Variants in TOM1L2 observed in about 807,000 individuals in gnomAD.
TOM1L2 encodes the protein target of myb1 like 2 membrane trafficking protein, also known as TOM1-like protein 2.
A neutral mutation model predicts 67.9 loss-of-function variants in TOM1L2; 31 were observed. The ratio of observed to expected loss-of-function variants is 0.46; its 90% CI spans 0.34 to 0.62. The LOEUF (loss-of-function observed/expected upper bound fraction) is 0.62, where lower values mean the gene tolerates loss of function less well. TOM1L2 is among the 20% of genes least tolerant of loss of function. The pLI is 0.01. For missense variants in TOM1L2, 606 were observed against 663.5 expected (o/e 0.91, Z 0.95); for synonymous variants, 256 against 254.0 (o/e 1.01, Z -0.07).
At chr17:17,874,057 G>T (rs979115224) in intron 7 of TOM1L2, among the ~76,000 whole-genome samples, 4 of 151,724 alleles carry the variant, frequency 2.6e-5, no homozygotes, top group African/African-American at 9.7e-5. Flanking sequence ...CCGGGTTCAT[G>T]ACATTCTCCT....
chr17:17,949,871 T>G (rs904353768), intron 1 of TOM1L2, among the ~76,000 whole-genome samples: 3 of 152,034 alleles, frequency 2.0e-5, no homozygotes, highest in Admixed American at 6.6e-5. Context: ...TTTTTAAATT[T>G]TATTTATTTA....
At chr17:17,970,509 A>G (rs1023964801) in intron 1 of TOM1L2, among the ~76,000 whole-genome samples, 4 of 152,184 alleles carry the variant, frequency 2.6e-5, no homozygotes, top group African/African-American at 9.7e-5. Flanking sequence ...CTGGCTGGAA[A>G]TTAGTTTTTG....
intron 1 of TOM1L2, among the ~76,000 whole-genome samples, chr17:17,947,511 G>A (rs563855793): frequency 1.3e-5 from 2 of 152,314 alleles, no homozygotes; most frequent in South Asian, 4.1e-4. Flanking sequence ...ATGACCATGT[G>A]AGGACACAGC....
chr17:17,963,879 C>T (rs1475879344), intron 1 of TOM1L2, among the ~76,000 whole-genome samples: 3 of 152,080 alleles, frequency 2.0e-5, no homozygotes, highest in Admixed American at 6.5e-5. Flanking sequence ...TGCAGGACAC[C>T]GTGCTAGGGA....
rs1433931347 is a variant in TOM1L2 at position 17,941,865 on chromosome 17, C to T, written c.52+30397G>A. Among the ~76,000 whole-genome samples, 2 of 152,182 alleles carry T rather than the reference C, an allele frequency of 1.3e-5. 1 individual carries two copies. Among genetic ancestry groups the T allele is most frequent in the Non-Finnish European group, 2.9e-5 (2 of 68,034 alleles). On this transcript the variant is annotated intron_variant, in intron 1 of 14. Transcript: ENST00000379504. Reference sequence around the variant, plus strand: ...CTAAGCCAGGCGCAGTGGCATGCACCTATAGTCCCTGCTACTAGGGAGGGA... The same window carrying T: ...CTAAGCCAGGCGCAGTGGCATGCACTTATAGTCCCTGCTACTAGGGAGGGA...
At chr17:17,904,452 T>C (rs1173284627) in intron 2 of TOM1L2, among the ~76,000 whole-genome samples, 2 of 152,108 alleles carry the variant, frequency 1.3e-5, no homozygotes, top group Admixed American at 6.5e-5. Flanking sequence ...CCCAGGAATA[T>C]GGAAAATTCA....
At chr17:17,906,062 A>C (rs1025015468) in intron 2 of TOM1L2, among the ~76,000 whole-genome samples, 23 of 149,622 alleles carry the variant, frequency 1.5e-4, no homozygotes. Context: ...CTACTCCCTC[A>C]TCTCCTTCAA....
chr17:17,878,374 C>G (rs572098472), intron 7 of TOM1L2, among the ~76,000 whole-genome samples: 3 of 152,210 alleles, frequency 2.0e-5, no homozygotes, highest in African/African-American at 7.2e-5. Context: ...TACATGGAGA[C>G]AAGTTGTTTC....
At chr17:17,854,864 G>A (rs1032988077) in intron 12 of TOM1L2, among the ~76,000 whole-genome samples, 8 of 152,068 alleles carry the variant, frequency 5.3e-5, no homozygotes, top group Admixed American at 5.2e-4. Flanking sequence ...ATTTTCTTGG[G>A]CAATGATCCA....
intron 1 of TOM1L2, among the ~76,000 whole-genome samples, chr17:17,932,721 A>G (rs1371132634): frequency 1.3e-5 from 2 of 152,118 alleles, no homozygotes; most frequent in African/African-American, 4.8e-5. Flanking sequence ...TTGGGCCTCA[A>G]TGTTCTTATC....
chr17:17,965,880 G>A (rs1419180509), intron 1 of TOM1L2, among the ~76,000 whole-genome samples: 1 of 152,220 alleles, frequency 6.6e-6, no homozygotes, highest in Non-Finnish European at 1.5e-5. Context: ...CAGCACTTTG[G>A]GTGGCCAAGG....
chr17:17,851,089 G>C, intron 12 of TOM1L2, 137 bp from the exon 13 acceptor site: 1 of 906,224 alleles, frequency 1.1e-6, no homozygotes. Flanking sequence ...AACACAATTG[G>C]CACAGCACAC....
intron 1 of TOM1L2, among the ~76,000 whole-genome samples, chr17:17,910,324 C>A (rs528812603): frequency 6.6e-6 from 1 of 152,342 alleles, no homozygotes; most frequent in South Asian, 2.1e-4. Context: ...TCTGTGAGGG[C>A]AGGGACTAGG....
intron 1 of TOM1L2, among the ~76,000 whole-genome samples, chr17:17,937,412 T>C (rs1287821515): frequency 6.6e-6 from 1 of 152,230 alleles, no homozygotes; most frequent in Admixed American, 6.5e-5. Flanking sequence ...GCCTCACACC[T>C]GGGTCCCATC....
At chr17:17,869,785 A>G (rs1281728549) in intron 7 of TOM1L2, 4 of 724,226 alleles carry the variant, frequency 5.5e-6, no homozygotes, top group Non-Finnish European at 5.3e-6. Flanking sequence ...TTTCTCAACA[A>G]AATATTCCAG....
At chr17:17,851,336 C>T (rs1381928329) in intron 12 of TOM1L2, 2 of 331,990 alleles carry the variant, frequency 6.0e-6, no homozygotes, top group East Asian at 1.7e-4. Context: ...TGATTTTGAA[C>T]TCAGCCACTA....
intron 1 of TOM1L2, among the ~76,000 whole-genome samples, chr17:17,912,337 T>C (rs2039409729): frequency 6.6e-6 from 1 of 150,792 alleles, no homozygotes; most frequent in African/African-American, 2.4e-5. Context: ...GAGACGCTCC[T>C]CACTTCCCAG....
chr17:17,920,530 G>C (rs1362403651), intron 1 of TOM1L2, among the ~76,000 whole-genome samples: 1 of 151,936 alleles, frequency 6.6e-6, no homozygotes, highest in Non-Finnish European at 1.5e-5. Context: ...AGTAGAGACG[G>C]GGTTTCACAA....
At chr17:17,895,975 C>T (rs1671684356) in intron 3 of TOM1L2, among the ~76,000 whole-genome samples, 1 of 152,110 alleles carries the variant, frequency 6.6e-6, no homozygotes, top group Non-Finnish European at 1.5e-5. Context: ...CTTAGGAGGC[C>T]CCGGGTTCCT....
Sources: gnomAD v4.1 joint callset for allele counts (sites outside exome capture counted in the v4.1 genomes callset) on GRCh38, gnomAD v4.1.1 for gene constraint, MANE v1.5 for transcripts, NCBI Gene and HGNC (gene_info 2026-07-23, HGNC 2026-07-21) for gene names.